The following CNTN5 variants were observed in gnomAD, a reference collection of about 807,000 sequenced individuals.
The protein encoded by CNTN5 is contactin 5.
CNTN5 carries 77 observed loss-of-function variants against 129.1 expected under a neutral mutation model. The observed-to-expected ratio is 0.60, with a 90% confidence interval of 0.50 to 0.72. The LOEUF is 0.72. CNTN5 is among the 30% of genes least tolerant of loss of function. CNTN5 has a pLI of 0.00. For missense variants in CNTN5, 1,478 were observed against 1,328.8 expected (o/e 1.11, Z -1.75); for synonymous variants, 509 against 465.6 (o/e 1.09, Z -1.20).
intron 3 of CNTN5, among the ~76,000 whole-genome samples, chr11:99,741,266 A>T (rs1943880562): frequency 6.6e-6 from 1 of 152,190 alleles, no homozygotes. Context: ...ATATTTTGGA[A>T]TTTAACATTG....
chr11:100,309,849 A>G (rs1951435912), intron 21 of CNTN5: 1 of 246,626 alleles, frequency 4.1e-6, no homozygotes, highest in Non-Finnish European at 6.5e-6. Flanking sequence ...AGCTCCCACT[A>G]TAGATAATTG....
chr11:99,827,257 T>C (rs1453070438), intron 4 of CNTN5, among the ~76,000 whole-genome samples: 1 of 151,966 alleles, frequency 6.6e-6, no homozygotes, highest in African/African-American at 2.4e-5. Flanking sequence ...TCAGCTAATT[T>C]TTGTGTTTTT....
intron 13 of CNTN5, among the ~76,000 whole-genome samples, chr11:100,074,881 G>GAA (rs35648963): frequency 6.6e-6 from 1 of 151,980 alleles, no homozygotes; most frequent in Admixed American, 6.6e-5. Context: ...TACAAATGGA[G>GAA]AAAAAATCAT....
At chr11:99,924,664 C>A (rs762955570) in intron 7 of CNTN5, among the ~76,000 whole-genome samples, 1 of 151,886 alleles carries the variant, frequency 6.6e-6, no homozygotes, top group Non-Finnish European at 1.5e-5. Flanking sequence ...GGTTATCATG[C>A]TTTTTCTGTG....
rs1256084768 is a variant in CNTN5 at position 99,819,535 on chromosome 11, C to G, written c.56-9C>G. On this transcript the variant is annotated splice_polypyrimidine_tract_variant and intron_variant, in intron 3 of 24. Transcript: ENST00000524871. ...AAATTCAGATTTTATTATATTTTTT[C>G]TCTTACAGAGTATTCAAAATCTCTT... 6.3e-7 allele frequency: 1 copy of G among 1,589,860 alleles called. No homozygotes were observed. The highest frequency in any genetic ancestry group is 1.3e-5 in the African/African-American group (1 of 74,326).
intron 13 of CNTN5, among the ~76,000 whole-genome samples, chr11:100,085,488 A>G (rs974996546): frequency 2.0e-5 from 3 of 152,074 alleles, no homozygotes; most frequent in African/African-American, 7.2e-5. Flanking sequence ...TACTGTATAT[A>G]AGACACTATG....
At chr11:99,531,960 G>A (rs1203854940) in intron 2 of CNTN5, among the ~76,000 whole-genome samples, 2 of 152,228 alleles carry the variant, frequency 1.3e-5, no homozygotes, top group East Asian at 1.9e-4. Flanking sequence ...AACCCACACA[G>A]AGTCCCTTCT....
chr11:99,034,703 A>G (rs1307840877), intron 1 of CNTN5, among the ~76,000 whole-genome samples: 2 of 151,592 alleles, frequency 1.3e-5, no homozygotes, highest in Non-Finnish European at 2.9e-5. Context: ...AATTTTGTTG[A>G]TCCTTTCAAA....
intron 9 of CNTN5, among the ~76,000 whole-genome samples, chr11:100,037,483 A>T (rs1247439168): frequency 6.6e-6 from 1 of 152,066 alleles, no homozygotes; most frequent in Non-Finnish European, 1.5e-5. Flanking sequence ...CTGGCCTCAT[A>T]AAATGAGTTA....
intron 4 of CNTN5, 50 bp downstream of exon 4, chr11:99,819,815 G>T (rs1237853037): frequency 1.3e-5 from 8 of 626,716 alleles, no homozygotes; most frequent in African/African-American, 5.0e-5. Context: ...AGGCAAAGAA[G>T]ACTTATTTAA....
At chr11:99,905,916 T>C (rs1949491622) in intron 6 of CNTN5, among the ~76,000 whole-genome samples, 1 of 152,192 alleles carries the variant, frequency 6.6e-6, no homozygotes, top group Admixed American at 6.5e-5. Context: ...TGAATGGAAG[T>C]TCACTCATCA....
chr11:99,783,779 A>G (rs888883828), intron 3 of CNTN5, among the ~76,000 whole-genome samples: 3 of 149,786 alleles, frequency 2.0e-5, no homozygotes, highest in Non-Finnish European at 4.4e-5. Flanking sequence ...GTGAGATCAC[A>G]TGGACACAGG....
At chr11:100,327,663 T>C (rs1463584797) in intron 21 of CNTN5, among the ~76,000 whole-genome samples, 1 of 152,210 alleles carries the variant, frequency 6.6e-6, no homozygotes, top group Admixed American at 6.5e-5. Context: ...TTCATCTATT[T>C]TGACTCACCA....
At chr11:99,587,702 G>C (rs1037839408) in intron 3 of CNTN5, among the ~76,000 whole-genome samples, 1 of 151,600 alleles carries the variant, frequency 6.6e-6, no homozygotes, top group African/African-American at 2.4e-5. Flanking sequence ...AAGGAAAATT[G>C]CTGAGAATTT....
intron 6 of CNTN5, among the ~76,000 whole-genome samples, chr11:99,894,809 T>A (rs977470589): frequency 6.6e-6 from 1 of 152,168 alleles, no homozygotes; most frequent in Non-Finnish European, 1.5e-5. Flanking sequence ...AAATGTAAGT[T>A]ACGTGGTTTT....
intron 1 of CNTN5, among the ~76,000 whole-genome samples, chr11:99,265,968 G>A (rs1862865109): frequency 6.6e-6 from 1 of 152,010 alleles, no homozygotes; most frequent in Non-Finnish European, 1.5e-5. Flanking sequence ...TAAACAGATT[G>A]TGACAATATA....
At chr11:99,834,116 A>G (rs2135629385) in intron 4 of CNTN5, among the ~76,000 whole-genome samples, 1 of 152,278 alleles carries the variant, frequency 6.6e-6, no homozygotes, top group South Asian at 2.1e-4. Context: ...TAATGCAAAC[A>G]CTGTATGAAT....
rs558907910 is a variant in CNTN5 at position 99,082,539 on chromosome 11, C to T, written c.-210+61269C>T. ...AGAACCACTGCCTTGGATTGAGACG[C>T]TTTTCATTTTAGTGCAAGGAATTAT... On this transcript the variant is annotated intron_variant, in intron 1 of 24. Transcript: ENST00000524871. Among the ~76,000 whole-genome samples, 8 of 152,214 alleles carry T rather than the reference C, an allele frequency of 5.3e-5. No homozygotes were observed. The East Asian group carries it at 1.5e-3, about 29-fold the overall frequency.
intron 3 of CNTN5, among the ~76,000 whole-genome samples, chr11:99,757,641 T>G (rs112975210): frequency 2.0e-5 from 3 of 152,156 alleles, no homozygotes; most frequent in African/African-American, 7.2e-5. Flanking sequence ...AAGGTCGTAC[T>G]CTAAGGTTCC....
Sources: allele counts gnomAD v4.1 joint callset (sites outside exome capture counted in the v4.1 genomes callset), GRCh38; gene constraint gnomAD v4.1.1; transcripts MANE v1.5; gene names NCBI Gene and HGNC (gene_info 2026-07-23, HGNC 2026-07-21).